The following PRDM2 variants were observed in gnomAD, a reference collection of about 807,000 sequenced individuals.
The protein encoded by PRDM2 is PR/SET domain 2.
A neutral mutation model predicts 130.0 loss-of-function variants in PRDM2; 30 were observed. That is an observed-to-expected ratio of 0.23 (90% CI 0.17 to 0.31). The LOEUF (loss-of-function observed/expected upper bound fraction) is 0.31, where lower values mean the gene tolerates loss of function less well. PRDM2 is among the 10% of genes least tolerant of loss of function. PRDM2 has a pLI of 1.00. For synonymous variants in PRDM2, 871 were observed against 782.4 expected, an observed-to-expected ratio of 1.11 and a Z score of -1.89; for missense variants, 2,011 against 2,108.4, an observed-to-expected ratio of 0.95 and a Z score of 0.90.
intron 9 of PRDM2, among the ~76,000 whole-genome samples, chr1:13,820,693 C>T (rs1007031921): frequency 6.6e-6 from 1 of 151,994 alleles, no homozygotes; most frequent in African/African-American, 2.4e-5. Context: ...TCGCCCATCC[C>T]GGCCCATCTC....
chr1:13,767,414 C>A (rs1304204318), intron 6 of PRDM2, among the ~76,000 whole-genome samples: 1 of 151,672 alleles, frequency 6.6e-6, no homozygotes, highest in Non-Finnish European at 1.5e-5. Flanking sequence ...ACCTCAGCCT[C>A]CCAAGTAGCT....
chr1:13,809,271 G>A (rs1645134115), intron 8 of PRDM2, among the ~76,000 whole-genome samples: 1 of 152,212 alleles, frequency 6.6e-6, no homozygotes, highest in African/African-American at 2.4e-5. Context: ...TCACACTTCT[G>A]TGGAACAGAT....
intron 6 of PRDM2, among the ~76,000 whole-genome samples, chr1:13,767,390 C>T (rs910910876): frequency 2.0e-5 from 3 of 151,290 alleles, no homozygotes; most frequent in African/African-American, 7.3e-5. Flanking sequence ...CTTCTGAGGT[C>T]GAGTGATCCT....
At chr1:13,701,627 A>G (rs1034089442) in intron 1 of PRDM2, among the ~76,000 whole-genome samples, 2 of 152,190 alleles carry the variant, frequency 1.3e-5, no homozygotes, top group Non-Finnish European at 2.9e-5. Context: ...TTTTACATGT[A>G]GAATCTTAGT....
intron 6 of PRDM2, among the ~76,000 whole-genome samples, chr1:13,759,179 TA>T (rs1385586370): frequency 6.9e-6 from 1 of 145,454 alleles, no homozygotes; most frequent in Non-Finnish European, 1.5e-5. Context: ...TTTTTTTTTT[TA>T]AATGAAAACT....
Position 13,780,046 on chromosome 1 carries a change from C to G in PRDM2, c.2251C>G (p.Arg751Gly). 2 of 1,614,140 alleles carry G rather than the reference C, an allele frequency of 1.2e-6. No individual in the cohort carries two copies. ...TTCTCCACAGCACAGTCCTGCCCTTCGAGACTTTGGAAAGCCAAGTGATGG... is the reference window on the plus strand; with the variant it reads ...TTCTCCACAGCACAGTCCTGCCCTTGGAGACTTTGGAAAGCCAAGTGATGG... ...PSSPQHSPAL[R>G]DFGKPSDGKA... Residue 751 changes from arginine to glycine, a missense_variant, in exon 8 of 10, where the codon CGA becomes GGA. Arg to Gly is a moderately radical substitution (Grantham distance 125). Coordinates refer to ENST00000311066, the MANE Select transcript of PRDM2 (RefSeq NM_001393986.1).
intron 8 of PRDM2, among the ~76,000 whole-genome samples, chr1:13,793,350 G>C (rs12405313): frequency 6.6e-6 from 1 of 152,234 alleles, no homozygotes; most frequent in African/African-American, 2.4e-5. Context: ...ATCCGCGTCA[G>C]GTGCTCAAGT....
intron 1 of PRDM2, among the ~76,000 whole-genome samples, chr1:13,711,878 A>G (rs756407485): frequency 1.9e-4 from 29 of 152,140 alleles, no homozygotes; most frequent in Non-Finnish European, 3.1e-4. Flanking sequence ...AAAAGATGTT[A>G]TGATCTTTCT....
rs1030902551 is a variant in PRDM2, at chr1:13,806,208, T to C, written c.5037-10219T>C. Among the ~76,000 whole-genome samples the C allele has an allele frequency of 5.9e-5, 9 of 151,970 alleles. No homozygotes were observed. The highest frequency in any genetic ancestry group is 1.9e-4 in the African/African-American group (8 of 41,336). On this transcript the variant is annotated intron_variant, in intron 8 of 9. Coordinates refer to ENST00000311066, the MANE Select transcript of PRDM2 (RefSeq NM_001393986.1). The surrounding 1 kb of genome is among the most constrained non-coding windows in gnomAD (Gnocchi z 4.1). ...CTGGACACCGCCCTCTCCCAGTCTC[T>C]GCACATTACCAGCTGCTCCCCCGCA...
intron 6 of PRDM2, among the ~76,000 whole-genome samples, chr1:13,754,337 C>T (rs996309027): frequency 6.6e-6 from 1 of 152,132 alleles, no homozygotes; most frequent in Non-Finnish European, 1.5e-5. Flanking sequence ...TGCGGAGTCT[C>T]CAGTCCGTTT....
In PRDM2 at chr1:13,727,701, C is replaced by T. The variant is rs546294733; in HGVS notation, c.10-3299C>T. Among the ~76,000 whole-genome samples the T allele has an allele frequency of 3.3e-5, 5 of 152,268 alleles. No homozygotes were observed. In the South Asian group the frequency reaches 6.2e-4, roughly 19 times the overall value. On this transcript the variant is annotated intron_variant, in intron 2 of 9. Coordinates refer to ENST00000311066, the MANE Select transcript of PRDM2 (RefSeq NM_001393986.1). ...CAGAGTGATGCCGTGTTGAGGCAAG[C>T]GTGCTGCCTAGAACATTGCCTGGCC...
At chr1:13,764,337 G>C (rs1199613511) in intron 6 of PRDM2, among the ~76,000 whole-genome samples, 1 of 151,984 alleles carries the variant, frequency 6.6e-6, no homozygotes, top group African/African-American at 2.4e-5. Context: ...ACATTTTTCA[G>C]GCTACTAAAA....
intron 8 of PRDM2, among the ~76,000 whole-genome samples, chr1:13,805,880 G>A (rs1019428722): frequency 3.9e-5 from 6 of 152,080 alleles, no homozygotes; most frequent in Non-Finnish European, 8.8e-5. Context: ...CCGTGGCCAC[G>A]TGGGGACCCT....
intron 5 of PRDM2, among the ~76,000 whole-genome samples, chr1:13,744,328 CA>C (rs1182380052): frequency 6.6e-6 from 1 of 152,176 alleles, no homozygotes; most frequent in Non-Finnish European, 1.5e-5. Flanking sequence ...CTGTGTGCCT[CA>C]ATTCCCACAT....
At chr1:13,795,622 CTG>C (rs1286119907) in intron 8 of PRDM2, among the ~76,000 whole-genome samples, 7 of 152,330 alleles carry the variant, frequency 4.6e-5, no homozygotes, top group South Asian at 4.1e-4. Flanking sequence ...GAGCTGAAAA[CTG>C]TGTTGCGGGT....
chr1:13,749,540 CGCCGCCCT>C, intron 6 of PRDM2, 53 bp downstream of exon 6: 1 of 1,141,468 alleles, frequency 8.8e-7, no homozygotes. Flanking sequence ...CCGCCCAGGA[CGCCGCCCT>C]GCCGCCCTCG....
chr1:13,766,180 G>A (rs1239368576), intron 6 of PRDM2, among the ~76,000 whole-genome samples: 1 of 152,144 alleles, frequency 6.6e-6, no homozygotes, highest in African/African-American at 2.4e-5. Context: ...CCTAGGGTCT[G>A]TGCCCTCAGC....
intron 8 of PRDM2, among the ~76,000 whole-genome samples, chr1:13,814,948 G>A (rs1645233155): frequency 6.6e-6 from 1 of 152,138 alleles, no homozygotes. Context: ...GGCTCTTTGT[G>A]CCTCAGTTTC....
At chr1:13,768,895 G>A (rs902016257) in intron 6 of PRDM2, 3 of 153,226 alleles carry the variant, frequency 2.0e-5, no homozygotes, top group African/African-American at 7.2e-5. Flanking sequence ...ATACTACATT[G>A]GTCTTATTCT....
Sources: gnomAD v4.1 joint callset for allele counts (sites outside exome capture counted in the v4.1 genomes callset) on GRCh38, gnomAD v4.1.1 for gene constraint, Gnocchi (gnomAD v3.1) non-coding constraint, MANE v1.5 for transcripts, NCBI Gene and HGNC (gene_info 2026-07-23, HGNC 2026-07-21) for gene names.